The following ELP4 variants were observed in gnomAD, a reference collection of about 807,000 sequenced individuals.
The protein encoded by ELP4 is elongator acetyltransferase complex subunit 4.
ELP4 carries 51 observed loss-of-function variants against 48.9 expected under a neutral mutation model. The ratio of observed to expected loss-of-function variants is 1.04; its 90% confidence interval spans 0.83 to 1.32. The LOEUF (loss-of-function observed/expected upper bound fraction) is 1.32, where lower values mean the gene tolerates loss of function less well. ELP4 is among the 40% of genes most tolerant of loss of function. The pLI, the probability that ELP4 is intolerant of heterozygous loss-of-function variation, is 0.00. For missense variants in ELP4, 519 were observed against 514.6 expected (o/e 1.01, Z -0.08); for synonymous variants, 210 against 189.2 (o/e 1.11, Z -0.90).
intron 9 of ELP4, among the ~76,000 whole-genome samples, chr11:31,669,088 T>G (rs1273302191): frequency 9.3e-6 from 1 of 108,012 alleles, no homozygotes; most frequent in African/African-American, 3.1e-5. Context: ...TTATTTTTAT[T>G]TTATTTTATT....
At chr11:31,644,448 A>G (rs1370753529) in intron 7 of ELP4, among the ~76,000 whole-genome samples, 4 of 151,860 alleles carry the variant, frequency 2.6e-5, no homozygotes, top group Non-Finnish European at 5.9e-5. Flanking sequence ...TGAATAACAT[A>G]AAAACACTTG....
intron 5 of ELP4, among the ~76,000 whole-genome samples, chr11:31,611,869 G>A (rs1305476221): frequency 2.0e-5 from 3 of 152,198 alleles, no homozygotes; most frequent in Non-Finnish European, 2.9e-5. Flanking sequence ...TGGGCAGAGA[G>A]GGCAGTGGGT....
chr11:31,555,135 G>A (rs965135841), intron 3 of ELP4, among the ~76,000 whole-genome samples: 1 of 152,088 alleles, frequency 6.6e-6, no homozygotes, highest in East Asian at 1.9e-4. Context: ...CCGTGGGGAC[G>A]AGAAATGATT....
intron 9 of ELP4, among the ~76,000 whole-genome samples, chr11:31,761,538 AT>A (rs1345367075): frequency 3.9e-5 from 6 of 152,214 alleles, no homozygotes; most frequent in Non-Finnish European, 7.3e-5. Context: ...AAAGATGGAC[AT>A]TTATGAAACC....
intron 3 of ELP4, among the ~76,000 whole-genome samples, chr11:31,583,423 A>G (rs1156843358): frequency 6.6e-6 from 1 of 152,154 alleles, no homozygotes; most frequent in Non-Finnish European, 1.5e-5. Flanking sequence ...AGAAATGATA[A>G]ACTCCACAAA....
At chr11:31,609,603 A>G (rs1308757911) in intron 5 of ELP4, among the ~76,000 whole-genome samples, 2 of 152,000 alleles carry the variant, frequency 1.3e-5, no homozygotes, top group African/African-American at 4.8e-5. Context: ...AAGTAGTCAT[A>G]TGGTTATGAG....
At chr11:31,782,314 G>GT in intron 9 of ELP4, among the ~76,000 whole-genome samples, 1 of 152,080 alleles carries the variant, frequency 6.6e-6, no homozygotes, top group East Asian at 1.9e-4. Flanking sequence ...TTTTTCATCT[G>GT]TTTTTCCCCC....
At chr11:31,522,684 T>C (rs1290633922) in intron 2 of ELP4, among the ~76,000 whole-genome samples, 1 of 152,204 alleles carries the variant, frequency 6.6e-6, no homozygotes, top group East Asian at 1.9e-4. Context: ...CATTGCAGCA[T>C]GTTAAATTTT....
chr11:31,788,014 G>A lies in ELP4; in HGVS notation c.*4490G>A, dbSNP rs1948787503. On this transcript the variant is annotated 3_prime_UTR_variant, in exon 10 of 10. Transcript: ENST00000640961. ...CAGAACCCCCAGGCTTTTTAGTGAA[G>A]TTTGCAGAGGAAGACTTATCTGTAT... The A allele has an allele frequency of 1.4e-5, 3 of 222,016 alleles. No individual in the cohort carries two copies. The Admixed American group carries it at 1.7e-4, about 13-fold the overall frequency. 13.8% of individuals were successfully genotyped at this position (222,016 alleles called of 1,614,324 possible).
intron 9 of ELP4, among the ~76,000 whole-genome samples, chr11:31,680,994 A>G (rs2134122342): frequency 6.6e-6 from 1 of 152,356 alleles, no homozygotes; most frequent in South Asian, 2.1e-4. Flanking sequence ...AAGTGTGATC[A>G]TACCTTTATT....
At chr11:31,512,376 G>A (rs1190365671) in intron 1 of ELP4, 2 of 151,986 alleles carry the variant, frequency 1.3e-5, no homozygotes, top group African/African-American at 4.8e-5. Flanking sequence ...TATTTGAAAG[G>A]CATCATACAT....
chr11:31,785,912 G>A lies in ELP4; in HGVS notation c.*2388G>A, dbSNP rs1948584130. The A allele has an allele frequency of 5.1e-6, 1 of 194,992 alleles. No homozygotes were observed. The highest frequency in any genetic ancestry group is 1.1e-5 in the Non-Finnish European group (1 of 93,792). 12.1% of individuals were successfully genotyped at this position (194,992 alleles called of 1,614,324 possible). On this transcript the variant is annotated 3_prime_UTR_variant, in exon 10 of 10. Transcript: ENST00000640961. ...TAAATACTTAAGAACAATGCCAAACGTAATATCTGAAATGATATCTTTTAA... is the reference window on the plus strand; with the variant it reads ...TAAATACTTAAGAACAATGCCAAACATAATATCTGAAATGATATCTTTTAA...
intron 9 of ELP4, among the ~76,000 whole-genome samples, chr11:31,724,411 G>A (rs1947031674): frequency 6.6e-6 from 1 of 152,166 alleles, no homozygotes; most frequent in Non-Finnish European, 1.5e-5. Context: ...TTGAAATGCT[G>A]TTATAAAATA....
chr11:31,695,924 A>G (rs1244685531), intron 9 of ELP4, among the ~76,000 whole-genome samples: 1 of 151,764 alleles, frequency 6.6e-6, no homozygotes, highest in African/African-American at 2.4e-5. Flanking sequence ...GAATTTATCC[A>G]TTTCTTCTAG....
At chr11:31,603,256 T>C (rs1957814409) in intron 4 of ELP4, among the ~76,000 whole-genome samples, 1 of 151,858 alleles carries the variant, frequency 6.6e-6, no homozygotes, top group South Asian at 2.1e-4. Context: ...AAGAAATGTT[T>C]AATATACACG....
chr11:31,534,568 C>T (rs1262009565), intron 2 of ELP4, among the ~76,000 whole-genome samples: 1 of 151,958 alleles, frequency 6.6e-6, no homozygotes, highest in African/African-American at 2.4e-5. Flanking sequence ...AGCTACAAGA[C>T]TATAAAGCAT....
At chr11:31,537,685 A>G (rs908653691) in intron 2 of ELP4, among the ~76,000 whole-genome samples, 1 of 152,044 alleles carries the variant, frequency 6.6e-6, no homozygotes, top group Admixed American at 6.5e-5. Context: ...GGTGCTACAC[A>G]CTTTTAAACA....
At chr11:31,687,062 A>G (rs868411107) in intron 9 of ELP4, among the ~76,000 whole-genome samples, 1 of 152,134 alleles carries the variant, frequency 6.6e-6, no homozygotes, top group African/African-American at 2.4e-5. Context: ...ATTTAGTAAG[A>G]GAAAAGGAGG....
chr11:31,637,134 C>G (rs558201101), intron 7 of ELP4, among the ~76,000 whole-genome samples: 1 of 151,850 alleles, frequency 6.6e-6, no homozygotes, highest in Non-Finnish European at 1.5e-5. Flanking sequence ...TTCCCAGATC[C>G]CTGCTGTGTA....
Sources: gnomAD v4.1 joint callset for allele counts (sites outside exome capture counted in the v4.1 genomes callset) on GRCh38, gnomAD v4.1.1 for gene constraint, MANE v1.5 for transcripts, NCBI Gene and HGNC (gene_info 2026-07-23, HGNC 2026-07-21) for gene names.